Variants in SUGCT observed in about 807,000 individuals in gnomAD.
SUGCT encodes the protein succinyl-CoA:glutarate CoA-transferase.
SUGCT carries 41 observed loss-of-function variants against 55.0 expected under a neutral mutation model. That is an observed-to-expected ratio of 0.74 (90% confidence interval 0.58 to 0.97). SUGCT has a LOEUF of 0.97. Among genes scored for constraint, SUGCT ranks in the 50% least tolerant of loss-of-function variants. The pLI is 0.00. For missense variants in SUGCT, 568 were observed against 547.8 expected (o/e 1.04, Z -0.37); for synonymous variants, 187 against 200.4 (o/e 0.93, Z 0.56).
At chr7:40,910,841 A>C in the SUGCT span, among the ~76,000 whole-genome samples, 129 of 152,338 alleles carry the variant, frequency 8.5e-4, 2 homozygotes, top group East Asian at 0.024. Flanking sequence ...CATGTATTTA[A>C]TGATTTCCTT....
In SUGCT at chr7:40,381,485, C is replaced by G. The variant is rs375360054; in HGVS notation, c.816+64630C>G. On this transcript the variant is annotated intron_variant, in intron 9 of 13. Transcript: ENST00000335693. ...ACTCCAATCTTAAAAGTCTTCAGAG[C>G]ATTACTGTTTCTGTTTTCGTAACAA... 1.9e-3 allele frequency among the ~76,000 whole-genome samples: 294 copies of G among 151,850 alleles called. 12 individuals carry two copies. In the South Asian group the frequency reaches 0.059, roughly 30 times the overall value.
chr7:40,611,951 T>A (rs1373238739), intron 12 of SUGCT, among the ~76,000 whole-genome samples: 1 of 152,054 alleles, frequency 6.6e-6, no homozygotes, highest in Non-Finnish European at 1.5e-5. Flanking sequence ...TCATTTTTAT[T>A]GTTAATATTT....
chr7:40,729,372 A>G (rs1786776411), intron 12 of SUGCT, among the ~76,000 whole-genome samples: 1 of 152,232 alleles, frequency 6.6e-6, no homozygotes, highest in South Asian at 2.1e-4. Flanking sequence ...CATAAATTCT[A>G]TAATGTGTGT....
chr7:40,439,061 GGT>G (rs1554338573), intron 9 of SUGCT, among the ~76,000 whole-genome samples: 31,040 of 51,540 alleles, frequency 0.6, 8,478 homozygotes, highest in Non-Finnish European at 0.66. Context: ...GTATATATAT[GGT>G]GTATATATAT....
the SUGCT span, among the ~76,000 whole-genome samples, chr7:41,022,701 G>A: frequency 6.6e-6 from 1 of 152,114 alleles, no homozygotes; most frequent in East Asian, 1.9e-4. Context: ...AATGTTTAGG[G>A]CAAGAGTATA....
intron 9 of SUGCT, among the ~76,000 whole-genome samples, chr7:40,344,375 G>A (rs1158110261): frequency 6.6e-6 from 1 of 151,914 alleles, no homozygotes; most frequent in Non-Finnish European, 1.5e-5. Flanking sequence ...GATATTGCAG[G>A]GGTGGGCAAA....
At chr7:40,865,025 C>G (rs1415910077), downstream of SUGCT, among the ~76,000 whole-genome samples, 1 of 152,112 alleles carries the variant, frequency 6.6e-6, no homozygotes, top group Non-Finnish European at 1.5e-5. Context: ...TCACCTCTTT[C>G]TCTCTTTGTC....
At chr7:40,187,471 A>G (rs189648990) in intron 3 of SUGCT, among the ~76,000 whole-genome samples, 1 of 152,210 alleles carries the variant, frequency 6.6e-6, no homozygotes, top group Non-Finnish European at 1.5e-5. Flanking sequence ...GTCAAATAAA[A>G]CATGTCTCCC....
At chr7:40,997,665 C>T in the SUGCT span, among the ~76,000 whole-genome samples, 1 of 152,212 alleles carries the variant, frequency 6.6e-6, no homozygotes, top group Non-Finnish European at 1.5e-5. Context: ...TCAAACATAT[C>T]TTCTTACTCT....
At chr7:40,425,862 C>G (rs1787560213) in intron 9 of SUGCT, among the ~76,000 whole-genome samples, 1 of 152,064 alleles carries the variant, frequency 6.6e-6, no homozygotes, top group African/African-American at 2.4e-5. Flanking sequence ...AGCAATTGCA[C>G]CTTAGTTCCA....
At chr7:40,602,197 GA>G (rs1798325354) in intron 12 of SUGCT, among the ~76,000 whole-genome samples, 1 of 152,156 alleles carries the variant, frequency 6.6e-6, no homozygotes, top group African/African-American at 2.4e-5. Flanking sequence ...TAAGCCATGG[GA>G]AAAACCAACC....
the SUGCT span, among the ~76,000 whole-genome samples, chr7:40,986,858 A>T: frequency 1.3e-5 from 2 of 152,212 alleles, no homozygotes; most frequent in East Asian, 3.9e-4. Flanking sequence ...ATCTCTGCTA[A>T]GTCAGGATCC....
At chr7:40,459,796 A>T (rs901937026) in intron 11 of SUGCT, among the ~76,000 whole-genome samples, 4 of 152,028 alleles carry the variant, frequency 2.6e-5, no homozygotes, top group African/African-American at 9.7e-5. Context: ...TTTTATTTCC[A>T]TTTTTTTCCA....
the SUGCT span, among the ~76,000 whole-genome samples, chr7:40,972,190 C>T: frequency 6.6e-6 from 1 of 152,088 alleles, no homozygotes; most frequent in Non-Finnish European, 1.5e-5. Flanking sequence ...AAATATACAT[C>T]CCGAAGCCAT....
chr7:40,229,245 G>A (rs1252072673), intron 6 of SUGCT, among the ~76,000 whole-genome samples: 1 of 152,220 alleles, frequency 6.6e-6, no homozygotes, highest in East Asian at 1.9e-4. Flanking sequence ...TGCGCTGGGT[G>A]CGGTGGCTCA....
intron 13 of SUGCT, chr7:40,775,605 T>C (rs1789409022): frequency 6.6e-6 from 1 of 152,224 alleles, no homozygotes; most frequent in Non-Finnish European, 1.5e-5. Context: ...TGTGGAGCTT[T>C]GCTTCTCCAT....
At chr7:40,953,848 A>G in the SUGCT span, among the ~76,000 whole-genome samples, 1 of 152,218 alleles carries the variant, frequency 6.6e-6, no homozygotes. Context: ...CACGTGAAGT[A>G]TCAGTCTGCC....
chr7:40,987,197 C>G, the SUGCT span, among the ~76,000 whole-genome samples: 2 of 152,046 alleles, frequency 1.3e-5, no homozygotes, highest in African/African-American at 4.8e-5. Flanking sequence ...TGTTTTGCCT[C>G]AGGGTCTGAG....
intron 6 of SUGCT, among the ~76,000 whole-genome samples, chr7:40,212,800 T>C (rs1353692385): frequency 6.6e-6 from 1 of 152,170 alleles, no homozygotes; most frequent in East Asian, 1.9e-4. Flanking sequence ...CCCAAAGTGC[T>C]GGGATTACAG....
Sources: allele counts gnomAD v4.1 joint callset (sites outside exome capture counted in the v4.1 genomes callset), GRCh38; gene constraint gnomAD v4.1.1; transcripts MANE v1.5; gene names NCBI Gene and HGNC (gene_info 2026-07-23, HGNC 2026-07-21).